RNF216: variants seen among roughly 807,000 people sequenced by gnomAD.
RNF216 encodes E3 ubiquitin-protein ligase RNF216.
A neutral mutation model predicts 110.8 loss-of-function variants in RNF216; 72 were observed. That is an observed-to-expected ratio of 0.65 (90% CI 0.54 to 0.79). RNF216 has a LOEUF of 0.79. RNF216 is among the 30% of genes least tolerant of loss of function. The probability of loss-of-function intolerance (pLI) is 0.00; values close to 1 mark genes in which losing one functional copy is unlikely to be tolerated. For missense variants in RNF216, 1,342 were observed against 1,141.2 expected (o/e 1.18, Z -2.54); for synonymous variants, 495 against 407.5 (o/e 1.21, Z -2.59).
At chr7:5,750,417 T>G (rs1795268778) in intron 3 of RNF216, among the ~76,000 whole-genome samples, 3 of 152,248 alleles carry the variant, frequency 2.0e-5, no homozygotes, top group African/African-American at 4.8e-5. Flanking sequence ...TCAGGCAAAC[T>G]GGTCTTACTG....
intron 15 of RNF216, among the ~76,000 whole-genome samples, chr7:5,636,958 G>A (rs895277956): frequency 6.6e-6 from 1 of 152,118 alleles, no homozygotes; most frequent in Non-Finnish European, 1.5e-5. Context: ...GACACAGAAC[G>A]AGGAGGAGAA....
intron 3 of RNF216, among the ~76,000 whole-genome samples, chr7:5,742,109 C>T (rs1032436229): frequency 6.6e-6 from 1 of 151,670 alleles, no homozygotes; most frequent in African/African-American, 2.4e-5. Context: ...TGCAATGGTG[C>T]GATCTCGGCT....
chr7:5,765,730 CT>C (rs1189449369), intron 1 of RNF216, among the ~76,000 whole-genome samples: 1 of 150,182 alleles, frequency 6.7e-6, no homozygotes, highest in Non-Finnish European at 1.5e-5. Flanking sequence ...ACTGCCTGAG[CT>C]CAGGAGTTTG....
At chr7:5,775,517 G>T (rs1562484577) in intron 1 of RNF216, among the ~76,000 whole-genome samples, 1 of 152,052 alleles carries the variant, frequency 6.6e-6, no homozygotes, top group Admixed American at 6.6e-5. Context: ...CAACAGATTT[G>T]GGGGTCACTA....
At chr7:5,659,015 G>A (rs1030714660) in intron 13 of RNF216, among the ~76,000 whole-genome samples, 40 of 152,286 alleles carry the variant, frequency 2.6e-4, no homozygotes, top group African/African-American at 8.7e-4. Flanking sequence ...AACTGGAAGA[G>A]TCTATGAAAG....
At chr7:5,768,346 TACACACACACACACACACACACACAC>T (rs71004702) in intron 1 of RNF216, among the ~76,000 whole-genome samples, 3 of 71,886 alleles carry the variant, frequency 4.2e-5, no homozygotes, top group Non-Finnish European at 8.1e-5. Flanking sequence ...GGCAGGCAAA[TACACACACACACACACACACACACAC>T]ACACACACAC....
intron 3 of RNF216, among the ~76,000 whole-genome samples, chr7:5,748,605 TATACATAC>T (rs761700234): frequency 1.3e-3 from 152 of 116,030 alleles, no homozygotes; most frequent in Admixed American, 3.5e-3. Context: ...ATATTTTTTA[TATACATAC>T]ACACACACAC....
At chr7:5,773,721 A>ACG (rs1474641384) in intron 1 of RNF216, among the ~76,000 whole-genome samples, 100 of 151,834 alleles carry the variant, frequency 6.6e-4, no homozygotes, top group Non-Finnish European at 1.3e-3. Context: ...CATGCGTGCC[A>ACG]CCATGCTGGT....
At chr7:5,779,927 G>T (rs1052719385) in intron 1 of RNF216, 1 of 151,740 alleles carries the variant, frequency 6.6e-6, no homozygotes, top group African/African-American at 2.4e-5. Context: ...GTTTCCGAGG[G>T]ACGCGGATAT....
chr7:5,777,227 GAGAAAAATGGCCC>G (rs1796835440), intron 1 of RNF216, among the ~76,000 whole-genome samples: 1 of 152,194 alleles, frequency 6.6e-6, no homozygotes, highest in Admixed American at 6.6e-5. Context: ...ATGTCGACCA[GAGAAAAATGGCCC>G]AGGTGAGCAC....
At chr7:5,694,594 G>C (rs548078449) in intron 13 of RNF216, among the ~76,000 whole-genome samples, 1 of 152,302 alleles carries the variant, frequency 6.6e-6, no homozygotes, top group South Asian at 2.1e-4. Flanking sequence ...CTCAGTTCTT[G>C]TTTATAGGAA....
At chr7:5,627,819 G>C (rs1395253376) in intron 15 of RNF216, among the ~76,000 whole-genome samples, 1 of 151,944 alleles carries the variant, frequency 6.6e-6, no homozygotes, top group African/African-American at 2.4e-5. Context: ...CGAGGGACAA[G>C]AGAGGCTCTC....
At chr7:5,706,646 T>A (rs1329195525) in intron 13 of RNF216, among the ~76,000 whole-genome samples, 1 of 152,258 alleles carries the variant, frequency 6.6e-6, no homozygotes, top group African/African-American at 2.4e-5. Flanking sequence ...GGTTTCCATC[T>A]TGTGGCTACT....
intron 13 of RNF216, among the ~76,000 whole-genome samples, chr7:5,689,036 G>A (rs1791160558): frequency 6.6e-6 from 1 of 152,092 alleles, no homozygotes; most frequent in Non-Finnish European, 1.5e-5. Flanking sequence ...GTTCTGCTGT[G>A]GCTTCCTCTC....
Position 5,725,296 on chromosome 7 carries a change from A to G in RNF216, c.1504+28T>C, listed in dbSNP as rs1280233499. 2.3e-6 allele frequency: 3 copies of G among 1,281,874 alleles called. No individual in the cohort carries two copies. In the South Asian group the frequency reaches 3.6e-5, roughly 15 times the overall value. 79.4% of individuals were successfully genotyped at this position (1,281,874 alleles called of 1,614,324 possible). ...AGAAAAGGTACAGTGTTGCAGCTAC[A>G]CACTGCCACCAACACAGTTTGCATT... On this transcript the variant is annotated intron_variant, in intron 8 of 16. Coordinates refer to ENST00000389902, the MANE Select transcript of RNF216 (RefSeq NM_207111.4).
chr7:5,729,322 C>T, intron 7 of RNF216, 110 bp downstream of exon 7: 1 of 1,027,246 alleles, frequency 9.7e-7, no homozygotes, highest in Non-Finnish European at 1.5e-6. Context: ...TAATAAATTC[C>T]TTAGCAATCA....
intron 13 of RNF216, among the ~76,000 whole-genome samples, chr7:5,653,018 CTG>C (rs2128577569): frequency 6.6e-6 from 1 of 152,272 alleles, no homozygotes; most frequent in East Asian, 1.9e-4. Context: ...TTGGCAGGGC[CTG>C]TTTGGATCTC....
chr7:5,775,062 G>C (rs1354662534), intron 1 of RNF216: 5 of 152,142 alleles, frequency 3.3e-5, no homozygotes, highest in Non-Finnish European at 7.3e-5. Context: ...CTTACTTATA[G>C]TTGTATTTCC....
At chr7:5,738,476 A>T (rs1762953496) in intron 5 of RNF216, among the ~76,000 whole-genome samples, 1 of 152,118 alleles carries the variant, frequency 6.6e-6, no homozygotes, top group African/African-American at 2.4e-5. Flanking sequence ...TGGGAGGCCG[A>T]GGCGGGTGGA....
Sources: gnomAD v4.1 joint callset for allele counts (sites outside exome capture counted in the v4.1 genomes callset) on GRCh38, gnomAD v4.1.1 for gene constraint, MANE v1.5 for transcripts, NCBI Gene and HGNC (gene_info 2026-07-23, HGNC 2026-07-21) for gene names.